USP24: variants seen among roughly 807,000 people sequenced by gnomAD.
The protein encoded by USP24 is ubiquitin specific peptidase 24, also known as ubiquitin carboxyl-terminal hydrolase 24.
In USP24, 97 loss-of-function variants were observed where a neutral mutation model predicts 361.6. The observed-to-expected ratio is 0.27, with a 90% confidence interval of 0.23 to 0.32. USP24 has a LOEUF of 0.32. Ranked by LOEUF, USP24 falls within the 10% of genes least tolerant of loss-of-function variation. The pLI is 1.00. For missense variants in USP24, 2,353 were observed against 3,165.6 expected (o/e 0.74, Z 6.16); for synonymous variants, 1,098 against 1,124.6 (o/e 0.98, Z 0.47).
chr1:55,071,281 C>A (rs938455873), intron 67 of USP24: 1 of 989,766 alleles, frequency 1.0e-6, no homozygotes, highest in Non-Finnish European at 1.2e-6. Flanking sequence ...AGTGTTTGCA[C>A]ACAGTGGGTG....
chr1:55,182,450 C>T (rs191949140), intron 1 of USP24, among the ~76,000 whole-genome samples: 2 of 152,240 alleles, frequency 1.3e-5, no homozygotes, highest in African/African-American at 2.4e-5. Flanking sequence ...GTTATGGCAG[C>T]CTGTTGAGGC....
chr1:55,154,774 C>T lies in USP24; in HGVS notation c.1451G>A (p.Gly484Glu). Residue 484 changes from glycine (G) to glutamate (E), a missense_variant, in exon 13 of 68, where the codon GGA (glycine) becomes GAA (glutamate). By Grantham distance (98) the Gly-to-Glu change is moderately conservative (BLOSUM62 -2). This residue lies in a region of USP24 where 386 missense variants were observed against 560.5 expected (regional missense o/e 0.69). Coordinates refer to ENST00000294383, the MANE Select transcript of USP24 (RefSeq NM_015306.3). ...ELTKIWKIQS[G>E]QSSTVIENIH... ...GTTCTCAATCACAGTAGATGATTGT[C>T]CTGACTGGAAAAGGAAACATTGGAA... 1 of 1,607,406 alleles carries T rather than the reference C, an allele frequency of 6.2e-7. No individual in the cohort carries two copies. The highest frequency in any genetic ancestry group is 1.3e-5 in the African/African-American group (1 of 74,692).
rs1279826064 is a variant in USP24, at chr1:55,097,609, C to G, written c.5704G>C (p.Glu1902Gln). 1 of 1,558,738 alleles carries G rather than the reference C, an allele frequency of 6.4e-7. No individual in the cohort carries two copies. Among genetic ancestry groups the G allele is most frequent in the South Asian group, 1.2e-5 (1 of 81,956 alleles). The change falls in exon 48 of 68, where the codon GAA becomes CAA. Residue 1902 changes from glutamate to glutamine, a missense_variant. By Grantham distance (29) the Glu-to-Gln change is conservative. Coordinates refer to ENST00000294383, the MANE Select transcript of USP24 (RefSeq NM_015306.3). ...WESGRSIKYD[E>Q]QIRFPWMLNM... ...AGAAAAAAAGTTACCCTTATTTGTT[C>G]ATCATATTTAATGGAGCGTCCGCTT...
chr1:55,189,267 G>A (rs1644224291), intron 1 of USP24, among the ~76,000 whole-genome samples: 1 of 152,300 alleles, frequency 6.6e-6, no homozygotes, highest in African/African-American at 2.4e-5. Flanking sequence ...ATGTCCATTA[G>A]AAAGAATGAA....
intron 2 of USP24, among the ~76,000 whole-genome samples, chr1:55,177,302 C>T (rs1650086999): frequency 6.6e-6 from 1 of 152,058 alleles, no homozygotes; most frequent in African/African-American, 2.4e-5. Flanking sequence ...GGAAAAAGTA[C>T]ATTTCTTTAT....
In USP24 at chr1:55,066,643, C is replaced by A. The variant is rs1003562373; in HGVS notation, c.*2402G>T. The stretch of plus-strand genomic sequence containing the variant: ...TAAAACTGACTGTAGTTGTCAGTGA[C>A]CGTGTGAGGACTCCAGGAGAAGTCG... On this transcript the variant is annotated 3_prime_UTR_variant, in exon 68 of 68. Transcript: ENST00000294383. 6.6e-6 allele frequency: 1 copy of A among 152,106 alleles called. No homozygotes were observed. The highest frequency in any genetic ancestry group is 1.9e-4 in the East Asian group (1 of 5,172). 9.4% of individuals were successfully genotyped at this position (152,106 alleles called of 1,614,324 possible).
intron 28 of USP24, 127 bp from the exon 29 acceptor site, chr1:55,134,540 G>T: frequency 1.3e-6 from 1 of 771,980 alleles, no homozygotes; most frequent in Non-Finnish European, 2.2e-6. Flanking sequence ...CTTGAGGGAA[G>T]CACAGTGCTC....
At position 55,066,753 on chromosome 1, in the gene USP24, T is replaced by C. The variant is rs918843583; in HGVS notation, c.*2292A>G. The C allele has an allele frequency of 5.9e-5, 9 of 152,216 alleles. No homozygotes were observed. Among genetic ancestry groups the C allele is most frequent in the African/African-American group, 2.2e-4 (9 of 41,460 alleles). 9.4% of individuals were successfully genotyped at this position (152,216 alleles called of 1,614,324 possible). On this transcript the variant is annotated 3_prime_UTR_variant, in exon 68 of 68. Transcript: ENST00000294383. ...TCGGCCATCTTAAGATCGGCCTCAC[T>C]AAGGGAGCTTCTTGAGAACACACAG... is the stretch of plus-strand genomic sequence containing the variant.
intron 7 of USP24, among the ~76,000 whole-genome samples, chr1:55,162,708 C>A (rs902093423): frequency 6.6e-6 from 1 of 152,038 alleles, no homozygotes; most frequent in Non-Finnish European, 1.5e-5. Flanking sequence ...ATGGAAAAGA[C>A]CATTATTGTA....
intron 38 of USP24, among the ~76,000 whole-genome samples, chr1:55,117,524 C>G (rs888206875): frequency 6.7e-6 from 1 of 150,230 alleles, no homozygotes; most frequent in African/African-American, 2.4e-5. Flanking sequence ...GTCAGGAGAT[C>G]GAGACCATCC....
intron 1 of USP24, among the ~76,000 whole-genome samples, chr1:55,204,644 T>C (rs1164102998): frequency 6.6e-6 from 1 of 152,204 alleles, no homozygotes; most frequent in Non-Finnish European, 1.5e-5. Context: ...AAATAGAATA[T>C]TAAGATTTAT....
intron 61 of USP24, 86 bp downstream of exon 61, chr1:55,078,452 A>G: frequency 4.1e-6 from 4 of 973,536 alleles, no homozygotes; most frequent in Non-Finnish European, 4.4e-6. Context: ...TATGAGAACA[A>G]GCATACTGCC....
At chr1:55,120,309 C>T (rs1044580214) in intron 38 of USP24, among the ~76,000 whole-genome samples, 23 of 152,062 alleles carry the variant, frequency 1.5e-4, no homozygotes, top group Admixed American at 2.0e-4. Flanking sequence ...ACACAGTGAC[C>T]GGGCTCCAAT....
chr1:55,162,301 G>A lies in USP24; in HGVS notation c.928-37C>T, dbSNP rs183858768. The A allele has an allele frequency of 5.3e-4, 785 of 1,487,418 alleles. 6 individuals are homozygous for A. The East Asian group carries it at 0.015, about 29-fold the overall frequency. The allele number at this position is 1,487,418 out of a possible 1,614,324, so 92.1% of individuals were successfully genotyped here. ...CAGTGAAGATTAAAAATACATTTGA[G>A]AGGATTTTTTTCCTGTCAAAATTAA... On this transcript the variant is annotated intron_variant, in intron 7 of 67. Transcript: ENST00000294383.
At chr1:55,145,789 A>G (rs1268778133) in intron 20 of USP24, among the ~76,000 whole-genome samples, 1 of 152,178 alleles carries the variant, frequency 6.6e-6, no homozygotes, top group Non-Finnish European at 1.5e-5. Flanking sequence ...TTGATCTAGC[A>G]GGCCATATGA....
At chr1:55,118,379 C>T (rs1646181998) in intron 38 of USP24, among the ~76,000 whole-genome samples, 1 of 152,128 alleles carries the variant, frequency 6.6e-6, no homozygotes, top group African/African-American at 2.4e-5. Context: ...TAAAAAGGGG[C>T]ACTGGGAAAA....
At chr1:55,097,784 G>A in intron 47 of USP24, 67 bp from the exon 48 acceptor site, 1 of 1,506,468 alleles carries the variant, frequency 6.6e-7, no homozygotes. Flanking sequence ...AAACAGCACA[G>A]TAATTAATGC....
At chr1:55,176,163 CAA>C (rs1649960215) in intron 3 of USP24, among the ~76,000 whole-genome samples, 1 of 151,788 alleles carries the variant, frequency 6.6e-6, no homozygotes, top group African/African-American at 2.4e-5. Flanking sequence ...TATATTTAAC[CAA>C]AGACACATAC....
intron 46 of USP24, 145 bp downstream of exon 46, chr1:55,098,331 A>G: frequency 1.1e-6 from 1 of 876,220 alleles, no homozygotes; most frequent in East Asian, 2.7e-5. Context: ...TAGAAAGCAA[A>G]GAAATTTAAG....
Sources: gnomAD v4.1 joint callset for allele counts (sites outside exome capture counted in the v4.1 genomes callset) on GRCh38, gnomAD v4.1.1 for gene constraint, gnomAD v4.1.1 regional missense constraint, MANE v1.5 for transcripts, NCBI Gene and HGNC (gene_info 2026-07-23, HGNC 2026-07-21) for gene names.